The following LEPR variants were observed in gnomAD, a reference collection of about 807,000 sequenced individuals.
LEPR encodes leptin receptor.
In LEPR, 56 loss-of-function variants were observed where a neutral mutation model predicts 114.7. The ratio of observed to expected loss-of-function variants is 0.49; its 90% CI spans 0.39 to 0.61. The LOEUF (loss-of-function observed/expected upper bound fraction) is 0.61, where lower values mean the gene tolerates loss of function less well. Among genes scored for constraint, LEPR ranks in the 20% least tolerant of loss-of-function variants. The pLI is 0.00. For missense variants in LEPR, 1,202 were observed against 1,352.9 expected (o/e 0.89, Z 1.75); for synonymous variants, 443 against 461.4 (o/e 0.96, Z 0.51).
intron 4 of LEPR, among the ~76,000 whole-genome samples, chr1:65,571,526 C>G (rs1431929167): frequency 6.6e-6 from 1 of 151,676 alleles, no homozygotes; most frequent in Non-Finnish European, 1.5e-5. Flanking sequence ...GTAGAGAGAC[C>G]TCCAGTATGA....
At chr1:65,443,877 G>A (rs1646680017) in intron 2 of LEPR, among the ~76,000 whole-genome samples, 1 of 152,086 alleles carries the variant, frequency 6.6e-6, no homozygotes, top group African/African-American at 2.4e-5. Flanking sequence ...CAGACACAGA[G>A]GCTTTCTCTG....
intron 5 of LEPR, among the ~76,000 whole-genome samples, chr1:65,592,045 A>G (rs1655731603): frequency 6.6e-6 from 1 of 152,022 alleles, no homozygotes; most frequent in Admixed American, 6.6e-5. Flanking sequence ...GTATACCTCT[A>G]AGTGATATCA....
chr1:65,540,894 C>T (rs940383573), intron 2 of LEPR, among the ~76,000 whole-genome samples: 1 of 152,122 alleles, frequency 6.6e-6, no homozygotes, highest in Non-Finnish European at 1.5e-5. Flanking sequence ...TACAATGGTG[C>T]AATTTTGGCT....
chr1:65,580,423 T>G (rs939360579), intron 5 of LEPR, among the ~76,000 whole-genome samples: 2 of 152,234 alleles, frequency 1.3e-5, no homozygotes, highest in African/African-American at 2.4e-5. Context: ...AAGTATATTT[T>G]AAAAGGGATA....
At chr1:65,535,149 ATG>A (rs1006341138) in intron 2 of LEPR, among the ~76,000 whole-genome samples, 1 of 151,862 alleles carries the variant, frequency 6.6e-6, no homozygotes, top group African/African-American at 2.4e-5. Context: ...ATGTGTGTGC[ATG>A]TGTGTGTGTG....
At chr1:65,483,640 C>A (rs1323741129) in intron 2 of LEPR, among the ~76,000 whole-genome samples, 1 of 152,166 alleles carries the variant, frequency 6.6e-6, no homozygotes, top group Non-Finnish European at 1.5e-5. Context: ...CTTCTCTAAT[C>A]TCACTTGTTA....
At chr1:65,621,277 A>G (rs930245838) in intron 17 of LEPR, 76 bp from the exon 18 acceptor site, 14 of 1,224,344 alleles carry the variant, frequency 1.1e-5, no homozygotes, top group Non-Finnish European at 1.7e-5. Flanking sequence ...GAAAATGTCT[A>G]CTATAATTTT....
intron 3 of LEPR, among the ~76,000 whole-genome samples, 178 bp downstream of exon 3, chr1:65,565,783 A>T (rs982400495): frequency 6.6e-6 from 1 of 152,024 alleles, no homozygotes; most frequent in African/African-American, 2.4e-5. Context: ...TGAAAACGAA[A>T]ACCCTTCCCA....
intron 3 of LEPR, among the ~76,000 whole-genome samples, chr1:65,566,629 G>C (rs564338400): frequency 1.2e-3 from 182 of 152,278 alleles, no homozygotes; most frequent in Non-Finnish European, 2.2e-3. Flanking sequence ...ATTAAAGTTA[G>C]AGTATCTTTA....
intron 5 of LEPR, among the ~76,000 whole-genome samples, chr1:65,585,671 A>G (rs1224517717): frequency 6.6e-6 from 1 of 152,038 alleles, no homozygotes; most frequent in African/African-American, 2.4e-5. Context: ...GTGTATGTAT[A>G]CTGGTAAGGC....
intron 2 of LEPR, among the ~76,000 whole-genome samples, chr1:65,538,169 C>CT (rs796342109): frequency 1.4e-4 from 21 of 149,980 alleles, no homozygotes; most frequent in East Asian, 6.0e-4. Context: ...CATTTTCTTC[C>CT]TTTTTTTTTT....
chr1:65,633,340 A>G lies in LEPR; in HGVS notation c.2674-2851A>G, dbSNP rs554419011. On this transcript the variant is annotated intron_variant, in intron 19 of 19. Coordinates refer to ENST00000349533, the MANE Select transcript of LEPR (RefSeq NM_002303.6). This position sits in a 1 kb window ranked among gnomAD's most constrained non-coding sequence, Gnocchi z 4.1. Reference sequence around the variant, plus strand: ...TATGTTGATTTAGAACTTAAAATAGATGTGTAAATTTGGGTTCAAAATGTA... The same window carrying G: ...TATGTTGATTTAGAACTTAAAATAGGTGTGTAAATTTGGGTTCAAAATGTA... The G allele has an allele frequency of 8.9e-6, 12 of 1,347,986 alleles. 1 individual carries two copies. The South Asian group carries it at 2.4e-4, about 27-fold the overall frequency. The allele number at this position is 1,347,986 out of a possible 1,614,324, so 83.5% of individuals were successfully genotyped here.
intron 2 of LEPR, among the ~76,000 whole-genome samples, chr1:65,455,979 T>C (rs891139705): frequency 1.3e-5 from 2 of 152,130 alleles, no homozygotes; most frequent in African/African-American, 4.8e-5. Context: ...GGGTATAATC[T>C]CCTGGTGCGC....
At chr1:65,605,306 G>T in intron 11 of LEPR, 69 bp downstream of exon 11, 1 of 1,589,398 alleles carries the variant, frequency 6.3e-7, no homozygotes, top group Non-Finnish European at 8.6e-7. Flanking sequence ...CAGATTTAAT[G>T]TTATATTTTG....
At chr1:65,506,442 G>A in intron 2 of LEPR, among the ~76,000 whole-genome samples, 2 of 152,300 alleles carry the variant, frequency 1.3e-5, no homozygotes, top group Middle Eastern at 6.8e-3. Flanking sequence ...GGATGGAGAA[G>A]AGGAAAAGAG....
At chr1:65,580,077 T>C (rs1437577717) in intron 5 of LEPR, among the ~76,000 whole-genome samples, 1 of 152,220 alleles carries the variant, frequency 6.6e-6, no homozygotes, top group African/African-American at 2.4e-5. Flanking sequence ...TTCAAGGAAT[T>C]TGAGAAACAG....
At chr1:65,456,036 C>A (rs989153720) in intron 2 of LEPR, among the ~76,000 whole-genome samples, 10 of 152,148 alleles carry the variant, frequency 6.6e-5, no homozygotes, top group African/African-American at 2.2e-4. Flanking sequence ...GTGGGAGTGA[C>A]CCGATTTTCC....
At chr1:65,432,018 G>A in intron 2 of LEPR, 3 of 1,470,370 alleles carry the variant, frequency 2.0e-6, no homozygotes, top group Non-Finnish European at 2.7e-6. Flanking sequence ...AATATGCTGG[G>A]TTTTTTAATA....
intron 2 of LEPR, among the ~76,000 whole-genome samples, chr1:65,467,571 T>C (rs780078827): frequency 6.6e-6 from 1 of 152,210 alleles, no homozygotes; most frequent in Non-Finnish European, 1.5e-5. Context: ...GCTTCAGAGC[T>C]GTCAGATAGG....
Sources: allele counts gnomAD v4.1 joint callset (sites outside exome capture counted in the v4.1 genomes callset), GRCh38; gene constraint gnomAD v4.1.1; non-coding constraint Gnocchi (gnomAD v3.1); transcripts MANE v1.5; gene names NCBI Gene and HGNC (gene_info 2026-07-23, HGNC 2026-07-21).